Variants in ST6GALNAC3 observed in about 807,000 individuals in gnomAD.
ST6GALNAC3 encodes the protein alpha-N-acetylgalactosaminide alpha-2,6-sialyltransferase 3.
A neutral mutation model predicts 32.7 loss-of-function variants in ST6GALNAC3; 25 were observed. The observed-to-expected ratio is 0.76, with a 90% CI of 0.56 to 1.07. The LOEUF (loss-of-function observed/expected upper bound fraction) is 1.07, where lower values mean the gene tolerates loss of function less well. Among genes scored for constraint, ST6GALNAC3 ranks in the 50% least tolerant of loss-of-function variants. The probability of loss-of-function intolerance (pLI) is 0.00; values close to 1 mark genes in which losing one functional copy is unlikely to be tolerated. For missense variants in ST6GALNAC3, 355 were observed against 382.4 expected, an observed-to-expected ratio of 0.93 and a Z score of 0.60; for synonymous variants, 129 against 133.1, an observed-to-expected ratio of 0.97 and a Z score of 0.21.
chr1:76,430,299 T>G (rs1159001370), intron 3 of ST6GALNAC3, among the ~76,000 whole-genome samples: 1 of 152,148 alleles, frequency 6.6e-6, no homozygotes, highest in Non-Finnish European at 1.5e-5. Context: ...TACATTTCAT[T>G]CACCTACCCA....
chr1:76,268,919 C>A (rs969502548), intron 1 of ST6GALNAC3, among the ~76,000 whole-genome samples: 2 of 151,024 alleles, frequency 1.3e-5, no homozygotes, highest in Non-Finnish European at 3.0e-5. Context: ...CCTCCCAGAT[C>A]ACTCTGTCAC....
chr1:76,285,781 A>G (rs4300269), intron 1 of ST6GALNAC3, among the ~76,000 whole-genome samples: 72,329 of 151,820 alleles, frequency 0.48, 17,518 homozygotes, highest in African/African-American at 0.55. Flanking sequence ...AGGAACAGAG[A>G]CAGAACAGCG....
At chr1:76,341,605 T>TTTTTC (rs1553181634) in intron 2 of ST6GALNAC3, among the ~76,000 whole-genome samples, 1 of 91,186 alleles carries the variant, frequency 1.1e-5, no homozygotes, top group African/African-American at 4.2e-5. Context: ...TCCAAACTGC[T>TTTTTC]TTTCTTTCTT....
chr1:76,339,013 A>G (rs1395036230), intron 2 of ST6GALNAC3, among the ~76,000 whole-genome samples: 2 of 151,984 alleles, frequency 1.3e-5, no homozygotes, highest in African/African-American at 4.8e-5. Flanking sequence ...TCCTATTGTG[A>G]AGATCATCCC....
chr1:76,144,248 G>A (rs894677935), intron 1 of ST6GALNAC3, among the ~76,000 whole-genome samples: 5 of 152,146 alleles, frequency 3.3e-5, no homozygotes, highest in African/African-American at 9.7e-5. Flanking sequence ...CAAGGAGCTC[G>A]GTCAGTAATC....
chr1:76,432,232 G>A (rs918063752), intron 3 of ST6GALNAC3, among the ~76,000 whole-genome samples: 3 of 152,044 alleles, frequency 2.0e-5, no homozygotes, highest in Middle Eastern at 3.4e-3. Flanking sequence ...TCCATTGTCC[G>A]AATTGTACCA....
intron 2 of ST6GALNAC3, among the ~76,000 whole-genome samples, chr1:76,326,309 G>A (rs1287858271): frequency 6.6e-6 from 1 of 152,112 alleles, no homozygotes; most frequent in Non-Finnish European, 1.5e-5. Flanking sequence ...TTGATCAAAG[G>A]GAGGCCCAAA....
At chr1:76,086,469 G>C (rs1434189061) in intron 1 of ST6GALNAC3, among the ~76,000 whole-genome samples, 2 of 152,160 alleles carry the variant, frequency 1.3e-5, no homozygotes, top group African/African-American at 4.8e-5. Flanking sequence ...TTTGTGTAAA[G>C]AAGGAAATTA....
chr1:76,139,411 A>AAC (rs34648991), intron 1 of ST6GALNAC3, among the ~76,000 whole-genome samples: 10 of 151,450 alleles, frequency 6.6e-5, no homozygotes, highest in East Asian at 5.8e-4. Context: ...CACACATATA[A>AAC]ACACACACAC....
At chr1:76,551,481 T>G (rs1470538050) in intron 3 of ST6GALNAC3, among the ~76,000 whole-genome samples, 1 of 152,248 alleles carries the variant, frequency 6.6e-6, no homozygotes, top group African/African-American at 2.4e-5. Flanking sequence ...TAAGATTTTT[T>G]TCATCTTATT....
At chr1:76,104,511 A>G (rs1380642790) in intron 1 of ST6GALNAC3, among the ~76,000 whole-genome samples, 2 of 151,162 alleles carry the variant, frequency 1.3e-5, no homozygotes, top group Non-Finnish European at 2.9e-5. Context: ...ACAAATCTTT[A>G]TTTCCTTGGC....
intron 1 of ST6GALNAC3, among the ~76,000 whole-genome samples, chr1:76,248,594 T>G (rs1037977256): frequency 2.6e-5 from 4 of 152,210 alleles, no homozygotes; most frequent in Non-Finnish European, 5.9e-5. Flanking sequence ...TTTTTCTTTG[T>G]TTTTGGCTGA....
Position 76,357,655 on chromosome 1 carries a change from G to A in ST6GALNAC3, c.213+43656G>A, listed in dbSNP as rs578029586. Among the ~76,000 whole-genome samples the A allele has an allele frequency of 2.3e-4, 35 of 152,280 alleles. 1 individual carries two copies. The South Asian group carries it at 3.1e-3, about 14-fold the overall frequency. On this transcript the variant is annotated intron_variant, in intron 2 of 4. Coordinates refer to ENST00000328299, the MANE Select transcript of ST6GALNAC3 (RefSeq NM_152996.4). Reference sequence around the variant, plus strand: ...GCATCTGGTATTATATTTACTATATGTGTGTGCCTCAACATTTCTGTTAGA... The same window carrying A: ...GCATCTGGTATTATATTTACTATATATGTGTGCCTCAACATTTCTGTTAGA...
At chr1:76,126,902 T>C (rs1649293025) in intron 1 of ST6GALNAC3, among the ~76,000 whole-genome samples, 1 of 152,194 alleles carries the variant, frequency 6.6e-6, no homozygotes, top group African/African-American at 2.4e-5. Flanking sequence ...CGTTGATAAA[T>C]ATCTTGTCTC....
intron 2 of ST6GALNAC3, among the ~76,000 whole-genome samples, chr1:76,328,854 A>G (rs779494524): frequency 6.6e-6 from 1 of 152,198 alleles, no homozygotes; most frequent in Non-Finnish European, 1.5e-5. Flanking sequence ...ATCTACTTCA[A>G]AGAAGCAGAT....
intron 1 of ST6GALNAC3, among the ~76,000 whole-genome samples, chr1:76,280,012 C>T (rs976141079): frequency 2.0e-5 from 3 of 151,694 alleles, no homozygotes; most frequent in African/African-American, 7.3e-5. Flanking sequence ...TCATCTTGCC[C>T]TTTCTCTTTT....
intron 1 of ST6GALNAC3, among the ~76,000 whole-genome samples, chr1:76,204,050 C>T (rs1654685724): frequency 6.6e-6 from 1 of 152,138 alleles, no homozygotes. Flanking sequence ...CCCCTTACCC[C>T]CACTACTCTT....
Position 76,590,536 on chromosome 1 carries a change from A to T in ST6GALNAC3, c.624-36916A>T, listed in dbSNP as rs538272818. 4.6e-5 allele frequency among the ~76,000 whole-genome samples: 7 copies of T among 152,346 alleles called. No homozygotes were observed. The South Asian group carries it at 1.4e-3, about 32-fold the overall frequency. ...GGTGGAGATTTTAACAACACTGCTA[A>T]TACTGACTTACTTCCAATCAGAGCT... On this transcript the variant is annotated intron_variant, in intron 3 of 4. Transcript: ENST00000328299.
At chr1:76,523,428 A>C (rs536399985) in intron 3 of ST6GALNAC3, among the ~76,000 whole-genome samples, 1 of 152,314 alleles carries the variant, frequency 6.6e-6, no homozygotes, top group South Asian at 2.1e-4. Context: ...CAGAACACTG[A>C]GAATAAAGAC....
Sources: allele counts gnomAD v4.1 joint callset (sites outside exome capture counted in the v4.1 genomes callset), GRCh38; gene constraint gnomAD v4.1.1; transcripts MANE v1.5; gene names NCBI Gene and HGNC (gene_info 2026-07-23, HGNC 2026-07-21).